The following MINDY3 variants were observed in gnomAD, a reference collection of about 807,000 sequenced individuals.
MINDY3 encodes ubiquitin carboxyl-terminal hydrolase MINDY-3.
Under a neutral mutation model 69.2 loss-of-function variants are expected in MINDY3, and 38 were observed. That is an observed-to-expected ratio of 0.55 (90% CI 0.42 to 0.72). The LOEUF (loss-of-function observed/expected upper bound fraction) is 0.72. Among genes scored for constraint, MINDY3 ranks in the 30% least tolerant of loss-of-function variants. The pLI is 0.00. For missense variants in MINDY3, 522 were observed against 519.0 expected (o/e 1.01, Z -0.06); for synonymous variants, 192 against 180.1 (o/e 1.07, Z -0.53).
At chr10:15,789,612 A>G (rs1037202830) in intron 11 of MINDY3, among the ~76,000 whole-genome samples, 4 of 152,140 alleles carry the variant, frequency 2.6e-5, no homozygotes, top group African/African-American at 9.7e-5. Flanking sequence ...TAAGTGGGTA[A>G]AATATTTTTC....
At chr10:15,796,242 G>T in intron 10 of MINDY3, 70 bp from the exon 11 acceptor site, 3 of 1,187,360 alleles carry the variant, frequency 2.5e-6, no homozygotes, top group South Asian at 1.2e-5. Context: ...CAGATACTAG[G>T]GTAGGCAGAC....
intron 10 of MINDY3, among the ~76,000 whole-genome samples, chr10:15,806,325 T>C (rs1032114068): frequency 4.6e-5 from 7 of 152,156 alleles, no homozygotes; most frequent in African/African-American, 1.4e-4. Context: ...ATACGCAGAC[T>C]TCATGTTTCC....
intron 6 of MINDY3, among the ~76,000 whole-genome samples, chr10:15,835,261 T>A (rs1832999705): frequency 1.3e-5 from 2 of 152,078 alleles, no homozygotes; most frequent in Non-Finnish European, 2.9e-5. Flanking sequence ...ACTGGATAAG[T>A]ACAAGAAGAC....
At chr10:15,816,278 AAATGAAAAAG>A in intron 10 of MINDY3, among the ~76,000 whole-genome samples, 1 of 141,100 alleles carries the variant, frequency 7.1e-6, no homozygotes, top group African/African-American at 3.1e-5. Flanking sequence ...AAAAAAAAAA[AAATGAAAAAG>A]AAAAAAAATA....
chr10:15,805,968 G>T (rs1046941130), intron 10 of MINDY3, among the ~76,000 whole-genome samples: 2 of 152,184 alleles, frequency 1.3e-5, no homozygotes, highest in East Asian at 3.9e-4. Flanking sequence ...TTTTAGAGAC[G>T]TTAAAACATT....
At chr10:15,842,154 G>A (rs957793400) in intron 3 of MINDY3, among the ~76,000 whole-genome samples, 9 of 151,654 alleles carry the variant, frequency 5.9e-5, no homozygotes, top group Non-Finnish European at 1.3e-4. Flanking sequence ...AGAAAATGGC[G>A]CAAATGCTCA....
intron 1 of MINDY3, among the ~76,000 whole-genome samples, chr10:15,855,676 A>G (rs1834641460): frequency 1.3e-5 from 2 of 152,120 alleles, no homozygotes; most frequent in Admixed American, 6.5e-5. Context: ...CACATTTTGC[A>G]CACCATTTTG....
At chr10:15,794,399 T>C (rs1253922155) in intron 11 of MINDY3, among the ~76,000 whole-genome samples, 1 of 152,156 alleles carries the variant, frequency 6.6e-6, no homozygotes, top group East Asian at 1.9e-4. Flanking sequence ...GAGCTGACTA[T>C]ACACATAGCT....
intron 10 of MINDY3, among the ~76,000 whole-genome samples, chr10:15,808,376 T>TA (rs1180776122): frequency 6.6e-6 from 1 of 152,092 alleles, no homozygotes; most frequent in Non-Finnish European, 1.5e-5. Flanking sequence ...CTTGGAAGAG[T>TA]AAACGTATAA....
intron 10 of MINDY3, among the ~76,000 whole-genome samples, chr10:15,806,456 G>A (rs973879164): frequency 2.7e-4 from 41 of 152,064 alleles, no homozygotes; most frequent in Non-Finnish European, 5.1e-4. Context: ...ATCCTACCTC[G>A]TTTTCTACAA....
intron 8 of MINDY3, among the ~76,000 whole-genome samples, chr10:15,827,137 T>A (rs1284324718): frequency 1.9e-5 from 1 of 51,318 alleles, no homozygotes; most frequent in African/African-American, 8.5e-5. Flanking sequence ...AAATAAAAAA[T>A]CTGGGGGTGG....
At chr10:15,825,888 T>C (rs1840052811) in intron 8 of MINDY3, among the ~76,000 whole-genome samples, 1 of 152,148 alleles carries the variant, frequency 6.6e-6, no homozygotes, top group Admixed American at 6.5e-5. Context: ...ACCAAGAAAC[T>C]TCTGGGTTTC....
chr10:15,816,197 G>C (rs1359110064), intron 10 of MINDY3, among the ~76,000 whole-genome samples: 1 of 145,924 alleles, frequency 6.9e-6, no homozygotes, highest in Non-Finnish European at 1.5e-5. Context: ...GGAGACGTAG[G>C]TTGCAGTGAG....
At chr10:15,793,580 A>G (rs1746548940) in intron 11 of MINDY3, among the ~76,000 whole-genome samples, 3 of 152,146 alleles carry the variant, frequency 2.0e-5, no homozygotes, top group South Asian at 2.1e-4. Flanking sequence ...AAGGTTAAAA[A>G]GTACCTTTTT....
chr10:15,824,907 C>A (rs1810404742), intron 8 of MINDY3, among the ~76,000 whole-genome samples: 1 of 152,118 alleles, frequency 6.6e-6, no homozygotes, highest in East Asian at 1.9e-4. Flanking sequence ...ATGTATTATG[C>A]CTGTTTTCTT....
intron 10 of MINDY3, among the ~76,000 whole-genome samples, chr10:15,809,318 G>T (rs10904628): frequency 0.15 from 23,166 of 152,114 alleles, 2,245 homozygotes; most frequent in South Asian, 0.24. Context: ...CATCTAATAA[G>T]AGCTAGTTTT....
chr10:15,838,054 C>T (rs763073262), intron 5 of MINDY3, 174 bp downstream of exon 5: 13 of 981,912 alleles, frequency 1.3e-5, no homozygotes, highest in Non-Finnish European at 1.5e-5. Flanking sequence ...ATAGTTTATA[C>T]ATTTACAAAC....
chr10:15,830,347 C>A (rs1172818480), intron 8 of MINDY3, among the ~76,000 whole-genome samples: 3 of 152,164 alleles, frequency 2.0e-5, no homozygotes, highest in African/African-American at 7.2e-5. Flanking sequence ...CATTTTCTCA[C>A]CTCATTCTAA....
intron 4 of MINDY3, 136 bp downstream of exon 4, chr10:15,841,290 G>A: frequency 4.5e-6 from 3 of 661,378 alleles, no homozygotes; most frequent in East Asian, 2.8e-5. Flanking sequence ...AAATAGTGAG[G>A]CTCAGTAATT....
Sources: allele counts gnomAD v4.1 joint callset (sites outside exome capture counted in the v4.1 genomes callset), GRCh38; gene constraint gnomAD v4.1.1; transcripts MANE v1.5; gene names NCBI Gene and HGNC (gene_info 2026-07-23, HGNC 2026-07-21).